Variants in NXN observed in about 807,000 individuals in gnomAD.
NXN encodes the protein nucleoredoxin 1.
Under a neutral mutation model 48.6 loss-of-function variants are expected in NXN, and 16 were observed. The ratio of observed to expected loss-of-function variants is 0.33; its 90% confidence interval spans 0.22 to 0.50. The LOEUF (loss-of-function observed/expected upper bound fraction) is 0.50, where lower values mean the gene tolerates loss of function less well. Among genes scored for constraint, NXN ranks in the 20% least tolerant of loss-of-function variants. The pLI, the probability that NXN is intolerant of heterozygous loss-of-function variation, is 0.98. For missense variants in NXN, 492 were observed against 605.5 expected (o/e 0.81, Z 1.97); for synonymous variants, 281 against 269.6 (o/e 1.04, Z -0.41).
intron 1 of NXN, among the ~76,000 whole-genome samples, chr17:877,553 C>A (rs930327263): frequency 6.6e-6 from 1 of 152,170 alleles, no homozygotes; most frequent in Non-Finnish European, 1.5e-5. Context: ...GATACACGAG[C>A]CTTTCTTTCC....
chr17:812,350 G>A (rs1435083205), intron 5 of NXN, among the ~76,000 whole-genome samples: 2 of 152,338 alleles, frequency 1.3e-5, no homozygotes, highest in African/African-American at 2.4e-5. Context: ...AGGTGGAGGC[G>A]GCTCCCTTTG....
At chr17:934,142 C>G (rs541749297) in intron 1 of NXN, among the ~76,000 whole-genome samples, 4 of 152,082 alleles carry the variant, frequency 2.6e-5, no homozygotes, top group Admixed American at 1.3e-4. Flanking sequence ...TGGCTCACGT[C>G]TGTAATCCCA....
At chr17:810,196 T>TCC (rs1911886221) in intron 5 of NXN, among the ~76,000 whole-genome samples, 1 of 82,620 alleles carries the variant, frequency 1.2e-5, no homozygotes, top group Non-Finnish European at 2.4e-5. Flanking sequence ...ATGTTACGAG[T>TCC]CTGTGAGTGG....
rs376539276 is a variant in NXN, at chr17:812,811, GGT to G, written c.820+6626_820+6627del. Among the ~76,000 whole-genome samples, 530 of 146,210 alleles carry G rather than the reference GGT, an allele frequency of 3.6e-3. 2 individuals are homozygous for G. The highest frequency in any genetic ancestry group is 5.0e-3 in the Non-Finnish European group (334 of 66,404). The stretch of plus-strand genomic sequence containing the variant: ...GTGTAGGTGTGTGTGCGTGAGTGTA[GGT>G]GTGTGTGCGAGTGTGCATGTGTGAG... On this transcript the variant is annotated intron_variant, in intron 5 of 7. Transcript: ENST00000336868.
In NXN at chr17:971,654, C is replaced by G. The variant is rs893938034; in HGVS notation, c.360+7665G>C. Among the ~76,000 whole-genome samples, 221 of 151,572 alleles carry G rather than the reference C, an allele frequency of 1.5e-3. 2 individuals are homozygous for G. The highest frequency in any genetic ancestry group is 5.2e-3 in the African/African-American group (216 of 41,326). On this transcript the variant is annotated intron_variant, in intron 1 of 7. Coordinates refer to ENST00000336868, the MANE Select transcript of NXN (RefSeq NM_022463.5). The stretch of plus-strand genomic sequence containing the variant: ...GAACCGGGAAGGCGGAGCTGGCAGT[C>G]AGCCGAGATCGCGCCACTGCACTCC...
chr17:802,873 C>T (rs887500004), intron 7 of NXN, among the ~76,000 whole-genome samples: 1 of 151,222 alleles, frequency 6.6e-6, no homozygotes, highest in African/African-American at 2.4e-5. Context: ...AGGGCTCTGA[C>T]CAACTGGAGG....
intron 1 of NXN, among the ~76,000 whole-genome samples, chr17:929,065 C>T (rs73277445): frequency 0.013 from 2,052 of 152,272 alleles, 46 homozygotes; most frequent in African/African-American, 0.045. Context: ...TGCCCAATGT[C>T]AAGAAAAATT....
chr17:810,641 G>A (rs1911932322), intron 5 of NXN, among the ~76,000 whole-genome samples: 1 of 152,162 alleles, frequency 6.6e-6, no homozygotes, highest in Non-Finnish European at 1.5e-5. Flanking sequence ...TGTAATCCTG[G>A]CACTTTGGAA....
intron 1 of NXN, among the ~76,000 whole-genome samples, chr17:853,261 C>A (rs148528615): frequency 6.6e-6 from 1 of 152,012 alleles, no homozygotes; most frequent in Non-Finnish European, 1.5e-5. Flanking sequence ...CTGGCCAGCA[C>A]GGTGAAACCT....
At chr17:916,429 C>A (rs1328838663) in intron 1 of NXN, among the ~76,000 whole-genome samples, 1 of 152,108 alleles carries the variant, frequency 6.6e-6, no homozygotes, top group African/African-American at 2.4e-5. Context: ...TAACGTATGA[C>A]ATTTCAAAGT....
At chr17:957,740 A>G (rs1387188597) in intron 1 of NXN, among the ~76,000 whole-genome samples, 1 of 152,012 alleles carries the variant, frequency 6.6e-6, no homozygotes, top group Non-Finnish European at 1.5e-5. Context: ...AAGGAGGTCA[A>G]ACCTCCTTGG....
intron 1 of NXN, among the ~76,000 whole-genome samples, chr17:884,589 G>A (rs780730735): frequency 3.9e-5 from 6 of 152,186 alleles, no homozygotes; most frequent in Non-Finnish European, 7.3e-5. Flanking sequence ...GAAAAGGGCC[G>A]TTGGGCTGGG....
At chr17:807,748 AC>A (rs1471806327) in intron 5 of NXN, among the ~76,000 whole-genome samples, 1 of 152,180 alleles carries the variant, frequency 6.6e-6, no homozygotes, top group East Asian at 1.9e-4. Flanking sequence ...GGGGGAAAGC[AC>A]CCATGTCTGC....
chr17:949,738 G>A (rs901287456), intron 1 of NXN, among the ~76,000 whole-genome samples: 8 of 148,544 alleles, frequency 5.4e-5, no homozygotes, highest in Admixed American at 1.4e-4. Flanking sequence ...CTCCCCGCGG[G>A]CCTCCTCTGT....
At chr17:955,052 G>A (rs2069150284) in intron 1 of NXN, among the ~76,000 whole-genome samples, 1 of 152,052 alleles carries the variant, frequency 6.6e-6, no homozygotes, top group African/African-American at 2.4e-5. Flanking sequence ...TGTCAGGAAT[G>A]AGCCCCCGCG....
chr17:936,170 C>A (rs1196065887), intron 1 of NXN, among the ~76,000 whole-genome samples: 1 of 151,620 alleles, frequency 6.6e-6, no homozygotes, highest in Admixed American at 6.6e-5. Flanking sequence ...TGGAGTGTGT[C>A]CCTCTCACCA....
intron 1 of NXN, among the ~76,000 whole-genome samples, chr17:966,803 G>T (rs2150635101): frequency 7.9e-6 from 1 of 126,294 alleles, no homozygotes; most frequent in Non-Finnish European, 1.6e-5. Context: ...GGGGATGACT[G>T]TTGGGGGGGT....
At chr17:867,501 G>A (rs2068106106) in intron 1 of NXN, among the ~76,000 whole-genome samples, 1 of 152,238 alleles carries the variant, frequency 6.6e-6, no homozygotes. Context: ...GAGAAGTTCA[G>A]CAAAACTATG....
rs778252786 is a variant in NXN at position 979,704 on chromosome 17, C to G, written c.-26G>C. The G allele has an allele frequency of 7.3e-7, 1 of 1,373,116 alleles. No homozygotes were observed. Among genetic ancestry groups the G allele is most frequent in the Non-Finnish European group, 9.4e-7 (1 of 1,061,464 alleles). The allele number at this position is 1,373,116 out of a possible 1,614,324, so 85.1% of individuals were successfully genotyped here. A position where few individuals can be genotyped will look rare whatever the true frequency, so the allele number is the denominator to read the frequency against. On this transcript the variant is annotated 5_prime_UTR_variant, in exon 1 of 8. Coordinates refer to ENST00000336868, the MANE Select transcript of NXN (RefSeq NM_022463.5). ...CCTGGCCCACCGCAGGGCGGGCAGGCGGCTGCGACCCCGCTCCACGGTCCG... is the reference window on the plus strand; with the variant it reads ...CCTGGCCCACCGCAGGGCGGGCAGGGGGCTGCGACCCCGCTCCACGGTCCG...
Sources: gnomAD v4.1 joint callset for allele counts (sites outside exome capture counted in the v4.1 genomes callset) on GRCh38, gnomAD v4.1.1 for gene constraint, MANE v1.5 for transcripts, NCBI Gene and HGNC (gene_info 2026-07-23, HGNC 2026-07-21) for gene names.